The following ADGRF5 variants were observed in gnomAD, a reference collection of about 807,000 sequenced individuals.
The protein encoded by ADGRF5 is G-protein coupled receptor 116.
Under a neutral mutation model 132.3 loss-of-function variants are expected in ADGRF5, and 75 were observed. That is an observed-to-expected ratio of 0.57 (90% CI 0.47 to 0.69). ADGRF5 has a LOEUF of 0.69. ADGRF5 is among the 30% of genes least tolerant of loss of function. The probability of loss-of-function intolerance (pLI) is 0.00; values close to 1 mark genes in which losing one functional copy is unlikely to be tolerated. For missense variants in ADGRF5, 1,516 were observed against 1,630.6 expected, an observed-to-expected ratio of 0.93 and a Z score of 1.21; for synonymous variants, 629 against 597.6, an observed-to-expected ratio of 1.05 and a Z score of -0.77.
intron 2 of ADGRF5, among the ~76,000 whole-genome samples, chr6:46,901,929 C>T (rs189874241): frequency 5.1e-4 from 78 of 152,212 alleles, no homozygotes; most frequent in Middle Eastern, 3.4e-3. Context: ...CTGTTCCCCT[C>T]GCTGATGCCC....
chr6:46,877,291 C>CAT (rs1771855033), intron 10 of ADGRF5, among the ~76,000 whole-genome samples: 1 of 62,186 alleles, frequency 1.6e-5, no homozygotes, highest in East Asian at 4.6e-4. Context: ...TTCTTTCTTT[C>CAT]TCTCTCTCTC....
At chr6:46,938,440 T>G (rs1244824925) in intron 1 of ADGRF5, among the ~76,000 whole-genome samples, 5 of 152,172 alleles carry the variant, frequency 3.3e-5, no homozygotes, top group Non-Finnish European at 5.9e-5. Context: ...AATGAGAAAC[T>G]TGGGGGCTGC....
chr6:46,953,252 C>T (rs1362174640), intron 1 of ADGRF5, among the ~76,000 whole-genome samples: 2 of 152,084 alleles, frequency 1.3e-5, no homozygotes, highest in East Asian at 1.9e-4. Context: ...TGATCACTCC[C>T]AACTGATGCC....
At chr6:46,895,075 G>T (rs1367684618) in intron 3 of ADGRF5, among the ~76,000 whole-genome samples, 1 of 152,006 alleles carries the variant, frequency 6.6e-6, no homozygotes, top group Non-Finnish European at 1.5e-5. Context: ...TACTTGGGAG[G>T]CTGAGGCAGG....
intron 12 of ADGRF5, among the ~76,000 whole-genome samples, chr6:46,867,811 A>T (rs1215447126): frequency 6.6e-6 from 1 of 152,126 alleles, no homozygotes; most frequent in Non-Finnish European, 1.5e-5. Flanking sequence ...GGGAAGAGGG[A>T]ATTTAAATTG....
In ADGRF5 at chr6:46,879,812, A is replaced by G; in HGVS notation, c.1036+6T>C. The G allele has an allele frequency of 1.9e-6, 3 of 1,586,504 alleles. No individual in the cohort carries two copies. The highest frequency in any genetic ancestry group is 2.6e-6 in the Non-Finnish European group (3 of 1,154,854). The stretch of plus-strand genomic sequence containing the variant: ...TCCTCACACAAGTTACTGAATGGAG[A>G]CCTACCTGCATCACCTGGAGTGATG... On this transcript the variant is annotated splice_donor_region_variant and intron_variant, in intron 9 of 20. Transcript: ENST00000283296.
chr6:46,877,353 CTTTCTTTCTTTCTTT>C (rs1771913022), intron 10 of ADGRF5, among the ~76,000 whole-genome samples: 1 of 45,634 alleles, frequency 2.2e-5, no homozygotes, highest in African/African-American at 6.2e-5. Context: ...TTCTTTCTTT[CTTTCTTTCTTTCTTT>C]CTTTCTTTCT....
chr6:46,903,197 T>G (rs1338003666), intron 2 of ADGRF5, among the ~76,000 whole-genome samples: 1 of 152,078 alleles, frequency 6.6e-6, no homozygotes, highest in Non-Finnish European at 1.5e-5. Context: ...CTTTGGGTGC[T>G]GGGTAGATCT....
intron 10 of ADGRF5, among the ~76,000 whole-genome samples, chr6:46,877,262 T>C (rs1302360314): frequency 5.3e-5 from 2 of 37,668 alleles, no homozygotes; most frequent in African/African-American, 1.7e-4. Flanking sequence ...TTTCTTTCTT[T>C]CTTTCTTTCT....
At chr6:46,877,267 C>CTT (rs1455980699) in intron 10 of ADGRF5, among the ~76,000 whole-genome samples, 1 of 39,906 alleles carries the variant, frequency 2.5e-5, no homozygotes, top group African/African-American at 1.6e-4. Flanking sequence ...TTCTTTCTTT[C>CTT]TTTCTTTCTT....
chr6:46,860,653 T>C, intron 16 of ADGRF5, 62 bp downstream of exon 16: 1 of 1,230,220 alleles, frequency 8.1e-7, no homozygotes, highest in East Asian at 2.3e-5. Flanking sequence ...GTTTCTTGAA[T>C]ACAAATTCTG....
chr6:46,882,912 G>A (rs900125577), intron 6 of ADGRF5, among the ~76,000 whole-genome samples: 3 of 152,102 alleles, frequency 2.0e-5, no homozygotes, highest in Non-Finnish European at 4.4e-5. Flanking sequence ...GACAGGGCTC[G>A]GCTGCCAGGA....
At chr6:46,917,132 A>G (rs981383940) in intron 1 of ADGRF5, among the ~76,000 whole-genome samples, 1 of 152,234 alleles carries the variant, frequency 6.6e-6, no homozygotes, top group Non-Finnish European at 1.5e-5. Context: ...TTTAATCTTT[A>G]TAATCCTGTT....
intron 3 of ADGRF5, among the ~76,000 whole-genome samples, chr6:46,897,716 G>T (rs113769427): frequency 0.013 from 1,983 of 152,178 alleles, 28 homozygotes; most frequent in African/African-American, 0.033. Flanking sequence ...CTGGGAATAC[G>T]ACTATTTTTA....
At chr6:46,897,489 A>T (rs1227850800) in intron 3 of ADGRF5, among the ~76,000 whole-genome samples, 1 of 152,190 alleles carries the variant, frequency 6.6e-6, no homozygotes, top group East Asian at 1.9e-4. Flanking sequence ...CACACCCACC[A>T]AGCAGAACAC....
At chr6:46,952,835 T>C (rs1300617185) in intron 1 of ADGRF5, among the ~76,000 whole-genome samples, 1 of 152,178 alleles carries the variant, frequency 6.6e-6, no homozygotes, top group African/African-American at 2.4e-5. Context: ...TATCACTTAA[T>C]GTGCTTAGGG....
chr6:46,873,634 A>G (rs572808683), intron 10 of ADGRF5, among the ~76,000 whole-genome samples: 2 of 151,590 alleles, frequency 1.3e-5, no homozygotes, highest in Non-Finnish European at 2.9e-5. Flanking sequence ...TCTCATCTAT[A>G]CCTATGGCTT....
intron 1 of ADGRF5, among the ~76,000 whole-genome samples, chr6:46,912,500 G>A (rs1403591447): frequency 2.0e-5 from 3 of 152,094 alleles, no homozygotes; most frequent in East Asian, 1.9e-4. Flanking sequence ...CGAGGCAGAC[G>A]GGGTGAGGTG....
In ADGRF5 at chr6:46,879,817, C is replaced by T. The variant is rs766364808; in HGVS notation, c.1036+1G>A. The T allele has an allele frequency of 1.3e-6, 2 of 1,588,028 alleles. No homozygotes were observed. Among genetic ancestry groups the T allele is most frequent in the Non-Finnish European group, 1.7e-6 (2 of 1,156,230 alleles). On this transcript the variant is annotated splice_donor_variant, in intron 9 of 20. Coordinates refer to ENST00000283296, the MANE Select transcript of ADGRF5 (RefSeq NM_001098518.2). LOFTEE classifies it high-confidence loss of function. ...ACACAAGTTACTGAATGGAGACCTA[C>T]CTGCATCACCTGGAGTGATGTTGTG...
Sources: allele counts gnomAD v4.1 joint callset (sites outside exome capture counted in the v4.1 genomes callset), GRCh38; gene constraint gnomAD v4.1.1; transcripts MANE v1.5; gene names NCBI Gene and HGNC (gene_info 2026-07-23, HGNC 2026-07-21).